Variants in SLC35F1 observed in about 807,000 individuals in gnomAD.
The protein encoded by SLC35F1 is chromosome 6 open reading frame 169.
A neutral mutation model predicts 48.7 loss-of-function variants in SLC35F1; 14 were observed. The observed-to-expected ratio is 0.29, with a 90% confidence interval of 0.19 to 0.45. SLC35F1 has a LOEUF of 0.45. SLC35F1 is among the 20% of genes least tolerant of loss of function. The pLI, the probability that SLC35F1 is intolerant of heterozygous loss-of-function variation, is 1.00. For synonymous variants in SLC35F1, 190 were observed against 202.2 expected (o/e 0.94, Z 0.51); for missense variants, 404 against 500.0 (o/e 0.81, Z 1.83).
chr6:117,923,794 C>CATATATACATATACACATACATATGT (rs1401577964), intron 1 of SLC35F1, among the ~76,000 whole-genome samples: 15,792 of 99,162 alleles, frequency 0.16, 2,872 homozygotes, highest in African/African-American at 0.23. Context: ...CATATATGTA[C>CATATATACATATACACATACATATGT]ATATATACAT....
chr6:118,154,759 T>A, intron 2 of SLC35F1, 139 bp downstream of exon 2: 1 of 748,596 alleles, frequency 1.3e-6, no homozygotes, highest in Non-Finnish European at 2.0e-6. Context: ...TATTTTGCAG[T>A]AATACAGTAA....
chr6:118,154,754 T>G (rs1774114995), intron 2 of SLC35F1, 134 bp downstream of exon 2: 2 of 812,344 alleles, frequency 2.5e-6, no homozygotes, highest in Non-Finnish European at 3.7e-6. Flanking sequence ...TTTTCTATTT[T>G]GCAGTAATAC....
intron 7 of SLC35F1, among the ~76,000 whole-genome samples, chr6:118,292,843 A>G (rs1413962156): frequency 2.6e-5 from 4 of 152,152 alleles, no homozygotes; most frequent in Non-Finnish European, 5.9e-5. Context: ...CTAATTCTAA[A>G]TTCATCTATC....
intron 1 of SLC35F1, among the ~76,000 whole-genome samples, chr6:118,070,991 CGTGT>C (rs375445061): frequency 5.5e-4 from 4 of 7,298 alleles, no homozygotes; most frequent in African/African-American, 1.8e-3. Flanking sequence ...ATATATTCTA[CGTGT>C]GTGTATATAT....
At chr6:118,273,809 G>C (rs548082483) in intron 4 of SLC35F1, among the ~76,000 whole-genome samples, 106 of 152,252 alleles carry the variant, frequency 7.0e-4, no homozygotes, top group African/African-American at 2.5e-3. Context: ...AGAACTTCCA[G>C]CTCTCACAAA....
intron 1 of SLC35F1, among the ~76,000 whole-genome samples, chr6:118,038,236 A>T (rs539739904): frequency 1.3e-5 from 2 of 152,040 alleles, no homozygotes; most frequent in Admixed American, 1.3e-4. Context: ...AAGTGGAAAA[A>T]CCCATAGTCT....
At chr6:117,975,382 G>T (rs1433810152) in intron 1 of SLC35F1, among the ~76,000 whole-genome samples, 3 of 152,180 alleles carry the variant, frequency 2.0e-5, no homozygotes, top group Admixed American at 6.5e-5. Flanking sequence ...TCCGCTAACT[G>T]GGAATGCCAA....
At chr6:117,979,282 A>G (rs1776744741) in intron 1 of SLC35F1, among the ~76,000 whole-genome samples, 1 of 152,104 alleles carries the variant, frequency 6.6e-6, no homozygotes, top group Non-Finnish European at 1.5e-5. Context: ...CAGGTTGGAG[A>G]GCTTTTCTTT....
chr6:117,955,369 G>A (rs183421363), intron 1 of SLC35F1, among the ~76,000 whole-genome samples: 9 of 152,264 alleles, frequency 5.9e-5, no homozygotes, highest in African/African-American at 1.7e-4. Flanking sequence ...TGTTCAATGC[G>A]TGGTCTGACA....
At chr6:117,925,821 T>C (rs1776020042) in intron 1 of SLC35F1, among the ~76,000 whole-genome samples, 1 of 152,110 alleles carries the variant, frequency 6.6e-6, no homozygotes, top group Non-Finnish European at 1.5e-5. Flanking sequence ...GGTCTGTATA[T>C]CCATACCAGT....
At chr6:118,086,340 T>C (rs1221267278) in intron 1 of SLC35F1, among the ~76,000 whole-genome samples, 2 of 152,216 alleles carry the variant, frequency 1.3e-5, no homozygotes, top group African/African-American at 2.4e-5. Flanking sequence ...CTGTGCTTTC[T>C]CAAAGGTCAG....
intron 1 of SLC35F1, among the ~76,000 whole-genome samples, chr6:117,965,981 A>G (rs1776557382): frequency 6.7e-6 from 1 of 149,818 alleles, no homozygotes; most frequent in Admixed American, 6.7e-5. Context: ...TTGTAAACGC[A>G]CCAGTCAGCA....
At chr6:118,204,771 C>A (rs2114540157) in intron 2 of SLC35F1, among the ~76,000 whole-genome samples, 1 of 152,318 alleles carries the variant, frequency 6.6e-6, no homozygotes, top group Admixed American at 6.5e-5. Context: ...TTACCCACTC[C>A]TCAGAACAGA....
Position 118,203,903 on chromosome 6 carries a change from G to A in SLC35F1, c.350-31606G>A. Among the ~76,000 whole-genome samples, 2 of 152,182 alleles carry A rather than the reference G, an allele frequency of 1.3e-5. 1 individual carries two copies. ...AACAGTGCAATGTCTAGACAGTATA[G>A]CAGTGAGCAGGACTGACAAAGTCCC... On this transcript the variant is annotated intron_variant, in intron 2 of 7. Coordinates refer to ENST00000360388, the MANE Select transcript of SLC35F1 (RefSeq NM_001029858.4).
chr6:117,957,759 T>C (rs750234021), intron 1 of SLC35F1, among the ~76,000 whole-genome samples: 7 of 152,230 alleles, frequency 4.6e-5, no homozygotes, highest in Non-Finnish European at 1.0e-4. Context: ...TGGTGATGCT[T>C]GTGTAAACAA....
intron 1 of SLC35F1, among the ~76,000 whole-genome samples, chr6:117,929,040 C>G (rs369874149): frequency 1.3e-5 from 2 of 152,064 alleles, no homozygotes; most frequent in Admixed American, 1.3e-4. Flanking sequence ...CTGAAACTTA[C>G]GAGATCACCA....
chr6:118,040,543 T>C (rs1397503397), intron 1 of SLC35F1, among the ~76,000 whole-genome samples: 1 of 152,152 alleles, frequency 6.6e-6, no homozygotes. Context: ...CCAAGCCTAC[T>C]TCTAGAAGTA....
intron 2 of SLC35F1, among the ~76,000 whole-genome samples, chr6:118,179,754 C>G (rs1204510507): frequency 2.0e-5 from 3 of 152,086 alleles, no homozygotes; most frequent in Non-Finnish European, 4.4e-5. Context: ...AACTGACCTT[C>G]TAGTAAAGTT....
intron 1 of SLC35F1, among the ~76,000 whole-genome samples, chr6:118,076,055 GA>G (rs897145093): frequency 4.7e-5 from 7 of 149,156 alleles, no homozygotes; most frequent in African/African-American, 1.7e-4. Context: ...GATTCTGCTG[GA>G]AAAAAAAACA....
Sources: gnomAD v4.1 joint callset for allele counts (sites outside exome capture counted in the v4.1 genomes callset) on GRCh38, gnomAD v4.1.1 for gene constraint, MANE v1.5 for transcripts, NCBI Gene and HGNC (gene_info 2026-07-23, HGNC 2026-07-21) for gene names.